Variants in TENM2 observed in about 807,000 individuals in gnomAD.
TENM2 encodes teneurin-2.
In TENM2, 52 loss-of-function variants were observed where a neutral mutation model predicts 245.2. The ratio of observed to expected loss-of-function variants is 0.21; its 90% CI spans 0.17 to 0.27. The LOEUF is 0.27. Ranked by LOEUF, TENM2 falls within the 10% of genes least tolerant of loss-of-function variation. The probability of loss-of-function intolerance (pLI) is 1.00; values close to 1 mark genes in which losing one functional copy is unlikely to be tolerated. For missense variants in TENM2, 3,046 were observed against 3,666.8 expected (o/e 0.83, Z 4.37); for synonymous variants, 1,363 against 1,438.9 (o/e 0.95, Z 1.19).
intron 2 of TENM2, among the ~76,000 whole-genome samples, chr5:167,524,874 TTCTC>T (rs1387081012): frequency 6.6e-6 from 1 of 151,670 alleles, no homozygotes; most frequent in Non-Finnish European, 1.5e-5. Context: ...GAAATGCCAG[TTCTC>T]TCTATTACAA....
At chr5:168,112,611 G>GC (rs1554199714) in intron 9 of TENM2, among the ~76,000 whole-genome samples, 4 of 129,268 alleles carry the variant, frequency 3.1e-5, no homozygotes, top group Admixed American at 2.3e-4. Flanking sequence ...GTGGGCGGGG[G>GC]GGGGGTCAAA....
At chr5:167,136,771 C>T in the TENM2 span, among the ~76,000 whole-genome samples, 1 of 152,154 alleles carries the variant, frequency 6.6e-6, no homozygotes, top group Non-Finnish European at 1.5e-5. Flanking sequence ...TCATAATGGA[C>T]ATGTGATATT....
At chr5:167,465,598 G>A (rs1438896298) in intron 2 of TENM2, among the ~76,000 whole-genome samples, 1 of 152,226 alleles carries the variant, frequency 6.6e-6, no homozygotes, top group African/African-American at 2.4e-5. Context: ...GGGAGGCCGA[G>A]GCAGGCGGAT....
At chr5:167,501,198 G>A (rs903624792) in intron 2 of TENM2, among the ~76,000 whole-genome samples, 7 of 151,806 alleles carry the variant, frequency 4.6e-5, no homozygotes, top group Admixed American at 1.3e-4. Context: ...TCTTTTTTGC[G>A]TTACAGGTAT....
intron 2 of TENM2, among the ~76,000 whole-genome samples, chr5:167,384,581 A>G (rs576714585): frequency 4.9e-4 from 74 of 152,326 alleles, no homozygotes; most frequent in African/African-American, 1.7e-3. Flanking sequence ...GCTTCATCTT[A>G]AGGAGTTAAA....
chr5:168,195,314 C>G lies in TENM2; in HGVS notation c.2900+19C>G, dbSNP rs1244665158. 1.3e-6 allele frequency: 2 copies of G among 1,564,568 alleles called. No homozygotes were observed. The highest frequency in any genetic ancestry group is 1.7e-6 in the Non-Finnish European group (2 of 1,153,470). ...ATGGCACGTGAGTAGCTTTGTGGGG[C>G]TCGGACCTACTCAGGACCACACGTG... On this transcript the variant is annotated intron_variant, in intron 15 of 28. Transcript: ENST00000518659.
intron 2 of TENM2, among the ~76,000 whole-genome samples, chr5:167,550,680 C>G (rs1317592890): frequency 3.7e-5 from 5 of 133,798 alleles, no homozygotes; most frequent in Non-Finnish European, 7.8e-5. Context: ...ACACAATTAC[C>G]TTTTTTTTTG....
At position 167,980,388 on chromosome 5, in the gene TENM2, A is replaced by G. The variant is rs79128725; in HGVS notation, c.948-12556A>G. ...AAGTGAGCTTTGAGGAGAGACTTGA[A>G]AGACCTGAGAAAGAGGAGCCATGCA... is the stretch of plus-strand genomic sequence containing the variant. On this transcript the variant is annotated intron_variant, in intron 4 of 28. Coordinates refer to ENST00000518659, the Ensembl canonical transcript of TENM2. Among the ~76,000 whole-genome samples the G allele has an allele frequency of 2.4e-3, 362 of 152,296 alleles. 1 individual carries two copies. The highest frequency in any genetic ancestry group is 8.3e-3 in the African/African-American group (347 of 41,560).
intron 9 of TENM2, among the ~76,000 whole-genome samples, chr5:168,111,424 G>A (rs1339456003): frequency 2.0e-5 from 3 of 152,160 alleles, no homozygotes; most frequent in Non-Finnish European, 4.4e-5. Context: ...CTCTGGGCAG[G>A]ACGGTGGCAG....
At chr5:167,294,657 T>C (rs1461555324) in intron 1 of TENM2, among the ~76,000 whole-genome samples, 2 of 152,096 alleles carry the variant, frequency 1.3e-5, no homozygotes, top group Non-Finnish European at 2.9e-5. Context: ...TTAATGTACA[T>C]AGGACATATT....
intron 1 of TENM2, among the ~76,000 whole-genome samples, chr5:167,319,755 G>C (rs910395068): frequency 9.2e-5 from 14 of 152,178 alleles, no homozygotes; most frequent in Admixed American, 8.5e-4. Context: ...AGGATGACTT[G>C]TCTTTGAAAA....
chr5:167,950,387 T>C (rs32406), intron 3 of TENM2, among the ~76,000 whole-genome samples: 104,920 of 151,964 alleles, frequency 0.69, 37,705 homozygotes, highest in Admixed American at 0.81. Flanking sequence ...GAGGGTCTGG[T>C]ATCTCATTTA....
intron 5 of TENM2, among the ~76,000 whole-genome samples, chr5:168,025,658 A>T (rs1244207564): frequency 6.6e-6 from 1 of 152,222 alleles, no homozygotes; most frequent in African/African-American, 2.4e-5. Flanking sequence ...TGGGTTCCAA[A>T]GAGCAAACAC....
At chr5:167,742,794 A>AAAG (rs1561727952) in intron 2 of TENM2, among the ~76,000 whole-genome samples, 1 of 151,894 alleles carries the variant, frequency 6.6e-6, no homozygotes, top group African/African-American at 2.4e-5. Context: ...CAAAAAAAAA[A>AAAG]AAAGAAAGAA....
At chr5:167,361,136 A>G (rs1422411906) in intron 1 of TENM2, among the ~76,000 whole-genome samples, 1 of 152,218 alleles carries the variant, frequency 6.6e-6, no homozygotes, top group Non-Finnish European at 1.5e-5. Flanking sequence ...ATGATATCAC[A>G]AATAATTTAA....
chr5:167,161,110 G>C, the TENM2 span, among the ~76,000 whole-genome samples: 1 of 152,212 alleles, frequency 6.6e-6, no homozygotes, highest in African/African-American at 2.4e-5. Flanking sequence ...GTTTGAAGAA[G>C]ATTGAACATA....
intron 2 of TENM2, among the ~76,000 whole-genome samples, chr5:167,451,852 T>C (rs911469789): frequency 6.6e-6 from 1 of 152,204 alleles, no homozygotes; most frequent in East Asian, 1.9e-4. Context: ...GGTTTCACAG[T>C]GTTAGCCAGA....
chr5:167,127,782 G>A, the TENM2 span, among the ~76,000 whole-genome samples: 3 of 151,842 alleles, frequency 2.0e-5, no homozygotes, highest in African/African-American at 4.8e-5. Context: ...GTGCTTTTTT[G>A]TTCAACAAAG....
chr5:166,990,083 G>A, the TENM2 span, among the ~76,000 whole-genome samples: 2 of 152,022 alleles, frequency 1.3e-5, no homozygotes, highest in South Asian at 2.1e-4. Context: ...TCAGAAGAAT[G>A]TTTCATTTCT....
Sources: gnomAD v4.1 joint callset for allele counts (sites outside exome capture counted in the v4.1 genomes callset) on GRCh38, gnomAD v4.1.1 for gene constraint, MANE v1.5 for transcripts, NCBI Gene and HGNC (gene_info 2026-07-23, HGNC 2026-07-21) for gene names.